Variants in OLFML2A observed in about 807,000 individuals in gnomAD.
OLFML2A encodes olfactomedin like 2A.
A neutral mutation model predicts 60.9 loss-of-function variants in OLFML2A; 47 were observed. The observed-to-expected ratio is 0.77, with a 90% confidence interval of 0.61 to 0.98. The LOEUF is 0.98. Among genes scored for constraint, OLFML2A ranks in the 50% least tolerant of loss-of-function variants. The probability of loss-of-function intolerance (pLI) is 0.00; values close to 1 mark genes in which losing one functional copy is unlikely to be tolerated. For synonymous variants in OLFML2A, 372 were observed against 375.0 expected, an observed-to-expected ratio of 0.99 and a Z score of 0.09; for missense variants, 922 against 879.8, an observed-to-expected ratio of 1.05 and a Z score of -0.61.
chr9:124,799,152 C>T (rs1339334420), intron 3 of OLFML2A, 133 bp from the exon 4 acceptor site: 6 of 623,326 alleles, frequency 9.6e-6, no homozygotes, highest in Non-Finnish European at 1.7e-5. Flanking sequence ...TGCTCATGCT[C>T]ACTGCGGCCG....
rs747350022 is a variant in OLFML2A, at chr9:124,810,072, G to A, written c.1619G>A (p.Arg540His). ...LWVIYPAVDD[R>H]DEAQPEVIVL... is the part of the protein sequence containing the mutation. ...GTCATCTACCCCGCCGTGGACGACCGCGATGAGGCCCAGCCCGAGGTGATC... is the reference window on the plus strand; with the variant it reads ...GTCATCTACCCCGCCGTGGACGACCACGATGAGGCCCAGCCCGAGGTGATC... The change falls in exon 8 of 8, where the codon CGC (arginine) becomes CAC (histidine). Residue 540 changes from arginine (R) to histidine (H), a missense_variant. Physicochemically the swap from Arg to His is conservative, Grantham distance 29. Transcript: ENST00000373580. The A allele has an allele frequency of 2.4e-5, 38 of 1,613,736 alleles. No individual in the cohort carries two copies. The highest frequency in any genetic ancestry group is 3.1e-5 in the Non-Finnish European group (37 of 1,180,014).
intron 5 of OLFML2A, among the ~76,000 whole-genome samples, 166 bp downstream of exon 5, chr9:124,801,829 G>T (rs998535310): frequency 6.6e-6 from 1 of 152,190 alleles, no homozygotes; most frequent in Non-Finnish European, 1.5e-5. Context: ...CCACTCAGGG[G>T]GTCATTGGGA....
intron 6 of OLFML2A, among the ~76,000 whole-genome samples, chr9:124,806,341 C>A (rs1182927841): frequency 6.6e-6 from 1 of 152,078 alleles, no homozygotes; most frequent in East Asian, 1.9e-4. Flanking sequence ...TATGTGTACA[C>A]ACAGTGAAAT....
rs1254983690 is a variant in OLFML2A, at chr9:124,801,108, C to G, written c.670-306C>G. 2.7e-6 allele frequency: 4 copies of G among 1,504,790 alleles called. No homozygotes were observed. The African/African-American group carries it at 4.2e-5, about 16-fold the overall frequency. The allele number at this position is 1,504,790 out of a possible 1,614,324, so 93.2% of individuals were successfully genotyped here. ...GTGGAGGAGGCTGCCTCCCAGGGAG[C>G]TGGTCCTTCTAGCCTGCCCCCCAGG... is the stretch of plus-strand genomic sequence containing the variant. On this transcript the variant is annotated intron_variant, in intron 4 of 7. Coordinates refer to ENST00000373580, the MANE Select transcript of OLFML2A (RefSeq NM_182487.4).
chr9:124,791,184 T>C (rs1192411871), intron 2 of OLFML2A, among the ~76,000 whole-genome samples: 1 of 152,028 alleles, frequency 6.6e-6, no homozygotes, highest in East Asian at 1.9e-4. Flanking sequence ...AAGGAGGGGA[T>C]AGAAGGATAG....
intron 6 of OLFML2A, among the ~76,000 whole-genome samples, chr9:124,806,911 TTTTA>T (rs999515923): frequency 6.6e-5 from 10 of 151,568 alleles, no homozygotes; most frequent in Non-Finnish European, 1.2e-4. Context: ...CCCAGCCAAT[TTTTA>T]TTTATTTATT....
chr9:124,793,716 C>CAAGT lies in OLFML2A; in HGVS notation c.355-1307_355-1304dup, dbSNP rs550232224. On this transcript the variant is annotated intron_variant, in intron 2 of 7. Transcript: ENST00000373580. ...GGCTCTGAAGCCAGAGATTCATGTG[C>CAAGT]AAGTGATTTATTTTGAAAATATTCC... Among the ~76,000 whole-genome samples, 64 of 152,270 alleles carry CAAGT rather than the reference C, an allele frequency of 4.2e-4. 1 individual carries two copies. The highest frequency in any genetic ancestry group is 7.9e-4 in the Admixed American group (12 of 15,272).
chr9:124,780,658 A>T (rs539937292), intron 1 of OLFML2A, among the ~76,000 whole-genome samples: 1 of 152,204 alleles, frequency 6.6e-6, no homozygotes, highest in Non-Finnish European at 1.5e-5. Flanking sequence ...GCCAAGCCCT[A>T]CTGGGTGTCT....
chr9:124,806,835 C>A (rs1841903668), intron 6 of OLFML2A, among the ~76,000 whole-genome samples: 1 of 152,000 alleles, frequency 6.6e-6, no homozygotes, highest in Admixed American at 6.6e-5. Flanking sequence ...GTCTCAAACT[C>A]CTGACCTTGT....
At chr9:124,798,737 A>G (rs948893169) in intron 3 of OLFML2A, among the ~76,000 whole-genome samples, 18 of 151,824 alleles carry the variant, frequency 1.2e-4, no homozygotes, top group East Asian at 7.8e-4. Flanking sequence ...AAAAAAAAAA[A>G]AAAGAAAGAA....
At chr9:124,786,565 C>CA (rs1032331157) in intron 1 of OLFML2A, among the ~76,000 whole-genome samples, 7 of 151,476 alleles carry the variant, frequency 4.6e-5, no homozygotes, top group Non-Finnish European at 8.8e-5. Context: ...TTAACAAATA[C>CA]AAAAAATTAG....
In OLFML2A at chr9:124,779,194, ATTC is replaced by A. The variant is rs1841314804; in HGVS notation, c.90+1839_90+1841del. ...CCCTAGGTTCTGGCCTTCCTCTGCT[ATTC>A]TTCTGCTGTGTGACCTTGGGCAAAT... On this transcript the variant is annotated intron_variant, in intron 1 of 7. Coordinates refer to ENST00000373580, the MANE Select transcript of OLFML2A (RefSeq NM_182487.4). The surrounding 1 kb of genome is among the most constrained non-coding windows in gnomAD (Gnocchi z 4.1). 6.6e-6 allele frequency among the ~76,000 whole-genome samples: 1 copy of A among 152,314 alleles called. No homozygotes were observed. The highest frequency in any genetic ancestry group is 1.5e-5 in the Non-Finnish European group (1 of 68,038).
chr9:124,781,682 TA>T (rs1489683918), intron 1 of OLFML2A, among the ~76,000 whole-genome samples: 3 of 151,582 alleles, frequency 2.0e-5, no homozygotes, highest in Non-Finnish European at 4.4e-5. Context: ...TAATCCTGGA[TA>T]CTCAGGAGGC....
rs143496997 is a variant in OLFML2A at position 124,807,824 on chromosome 9, C to T, written c.1212C>T (p.Pro404=). The part of the protein sequence containing the change: ...SCEGTLRAVD[P]PVRHHSYGRH... ...AGGGCACCCTCCGGGCTGTGGACCC[C>T]CCTGTGAGGCACCACAGCTATGGGC... is the stretch of plus-strand genomic sequence containing the variant. The change falls in exon 7 of 8, where the codon CCC becomes CCT. Residue 404 remains proline, a synonymous_variant. Coordinates refer to ENST00000373580, the MANE Select transcript of OLFML2A (RefSeq NM_182487.4). 5.6e-6 allele frequency: 9 copies of T among 1,613,948 alleles called. No individual in the cohort carries two copies. Among genetic ancestry groups the T allele is most frequent in the Admixed American group, 1.7e-5 (1 of 60,002 alleles).
At chr9:124,793,488 A>G (rs1294668468) in intron 2 of OLFML2A, among the ~76,000 whole-genome samples, 2 of 152,210 alleles carry the variant, frequency 1.3e-5, no homozygotes, top group Non-Finnish European at 1.5e-5. Context: ...ATGATAGGAA[A>G]GAGACGGTGA....
In OLFML2A at chr9:124,777,316, C is replaced by A; in HGVS notation, c.46C>A (p.Leu16Ile). ...LPPRPLLLLP[L>I]VLLLSGRPTR... ...GCCCCGGCCGCTGCTCCTTCTGCCGCTAGTGCTGCTGCTGAGCGGCCGCCC... is the reference window on the plus strand; with the variant it reads ...GCCCCGGCCGCTGCTCCTTCTGCCGATAGTGCTGCTGCTGAGCGGCCGCCC... The change falls in exon 1 of 8, where the codon CTA becomes ATA. Residue 16 changes from leucine to isoleucine, a missense_variant. Leu to Ile is a conservative substitution (Grantham distance 5). Coordinates refer to ENST00000373580, the MANE Select transcript of OLFML2A (RefSeq NM_182487.4). The surrounding 1 kb of genome is among the most constrained non-coding windows in gnomAD (Gnocchi z 6.2). The A allele has an allele frequency of 7.7e-7, 1 of 1,298,808 alleles. No homozygotes were observed. Among genetic ancestry groups the A allele is most frequent in the Non-Finnish European group, 9.8e-7 (1 of 1,017,704 alleles). The allele number at this position is 1,298,808 out of a possible 1,614,324, so 80.5% of individuals were successfully genotyped here.
intron 5 of OLFML2A, among the ~76,000 whole-genome samples, chr9:124,802,563 G>T (rs1312057499): frequency 6.6e-6 from 1 of 152,226 alleles, no homozygotes; most frequent in Admixed American, 6.5e-5. Flanking sequence ...TCTGGACATG[G>T]CACAGAGCCT....
At position 124,804,197 on chromosome 9, in the gene OLFML2A, G is replaced by T; in HGVS notation, c.1023G>T (p.Glu341Asp). Residue 341 changes from glutamate to aspartate, a missense_variant, in exon 6 of 8, where the codon GAG becomes GAT. Glu to Asp is a conservative substitution (Grantham distance 45, BLOSUM62 2). Coordinates refer to ENST00000373580, the MANE Select transcript of OLFML2A (RefSeq NM_182487.4). ...ACTCCGCAGAGCAGGATGAGGCTGA[G>T]CCCAGGTCCTCCGAGCGAGTGGACC... is the stretch of plus-strand genomic sequence containing the variant. ...EPNSAEQDEA[E>D]PRSSERVDLA... The T allele has an allele frequency of 6.2e-7, 1 of 1,614,140 alleles. No individual in the cohort carries two copies. Among genetic ancestry groups the T allele is most frequent in the Non-Finnish European group, 8.5e-7 (1 of 1,180,024 alleles).
At chr9:124,780,629 A>G (rs1385827292) in intron 1 of OLFML2A, among the ~76,000 whole-genome samples, 1 of 152,218 alleles carries the variant, frequency 6.6e-6, no homozygotes, top group Non-Finnish European at 1.5e-5. Context: ...CCTTCGACAC[A>G]TCAAGACTGT....
Sources: gnomAD v4.1 joint callset for allele counts (sites outside exome capture counted in the v4.1 genomes callset) on GRCh38, gnomAD v4.1.1 for gene constraint, Gnocchi (gnomAD v3.1) non-coding constraint, MANE v1.5 for transcripts, NCBI Gene and HGNC (gene_info 2026-07-23, HGNC 2026-07-21) for gene names.